SEM1: variants seen among roughly 807,000 people sequenced by gnomAD.
SEM1 encodes the protein 26S proteasome complex subunit SEM1.
In SEM1, 3 loss-of-function variants were observed where a neutral mutation model predicts 12.7. The ratio of observed to expected loss-of-function variants is 0.24; its 90% CI spans 0.11 to 0.61. The LOEUF is 0.61. Ranked by LOEUF, SEM1 falls within the 20% of genes least tolerant of loss-of-function variation. The pLI is 0.88. For missense variants in SEM1, 59 were observed against 81.3 expected (o/e 0.73, Z 1.06); for synonymous variants, 30 against 27.8 (o/e 1.08, Z -0.25).
At chr7:96,609,882 C>T (rs563904776) in intron 2 of SEM1, among the ~76,000 whole-genome samples, 71 of 152,222 alleles carry the variant, frequency 4.7e-4, no homozygotes, top group Admixed American at 3.0e-3. Flanking sequence ...GTTGTTTTGT[C>T]TTGTTTCTCC....
In SEM1 at chr7:96,677,517, A is replaced by T. The variant is rs1442306937; in HGVS notation, c.171-3658T>A. Among the ~76,000 whole-genome samples the T allele has an allele frequency of 5.3e-5, 8 of 152,198 alleles. No individual in the cohort carries two copies. The East Asian group carries it at 1.5e-3, about 29-fold the overall frequency. On this transcript the variant is annotated intron_variant, in intron 2 of 2. Transcript: ENST00000413065. ...AATTGGTTGCAAGCAACACAAGACA[A>T]CTTTGATTAACTTAAGCAGAAAGGG...
At chr7:96,682,430 G>A (rs1007904390) in intron 2 of SEM1, among the ~76,000 whole-genome samples, 1 of 152,078 alleles carries the variant, frequency 6.6e-6, no homozygotes, top group Non-Finnish European at 1.5e-5. Flanking sequence ...ACGTTGAATA[G>A]GAGTGGTGAG....
downstream of SEM1, among the ~76,000 whole-genome samples, chr7:96,620,341 CCTCT>C (rs1807853883): frequency 6.6e-6 from 1 of 152,108 alleles, no homozygotes; most frequent in Admixed American, 6.5e-5. Flanking sequence ...CCAGCCTCTC[CCTCT>C]GTCTCCTAGA....
chr7:96,622,420 GA>G (rs1327110552), downstream of SEM1: 1 of 536,006 alleles, frequency 1.9e-6, no homozygotes, highest in Non-Finnish European at 3.3e-6. Flanking sequence ...TCACTGAGGG[GA>G]AAACAGTAGT....
At chr7:96,622,715 T>G (rs1211326007) in intron 2 of SEM1, 1 of 731,960 alleles carries the variant, frequency 1.4e-6, no homozygotes, top group Non-Finnish European at 2.5e-6. Flanking sequence ...TGTTTGACCA[T>G]CTGATCAGTG....
intron 2 of SEM1, among the ~76,000 whole-genome samples, chr7:96,513,078 A>G (rs1563039659): frequency 6.6e-6 from 1 of 152,134 alleles, no homozygotes; most frequent in African/African-American, 2.4e-5. Flanking sequence ...TGAGGTTATT[A>G]TGATAGGCAC....
At chr7:96,668,501 AATAG>A (rs1440244819), downstream of SEM1, among the ~76,000 whole-genome samples, 4 of 152,208 alleles carry the variant, frequency 2.6e-5, no homozygotes, top group Non-Finnish European at 4.4e-5. Context: ...TTAATGCTTA[AATAG>A]ATATATTCTA....
intron 2 of SEM1, among the ~76,000 whole-genome samples, chr7:96,632,831 A>G (rs1179891461): frequency 7.3e-6 from 1 of 136,404 alleles, no homozygotes; most frequent in Non-Finnish European, 1.5e-5. Context: ...GTGTGTTTGC[A>G]GGGGTTGGGG....
chr7:96,705,629 C>T (rs1049272440), intron 1 of SEM1, among the ~76,000 whole-genome samples: 4 of 152,016 alleles, frequency 2.6e-5, no homozygotes, highest in Admixed American at 2.6e-4. Flanking sequence ...AGATCGAGAC[C>T]ATCCTGGCTA....
upstream of SEM1, chr7:96,496,432 C>G: frequency 1.7e-6 from 1 of 601,922 alleles, no homozygotes; most frequent in Non-Finnish European, 2.9e-6. Context: ...AATCTTTATA[C>G]TGCCCCCCCC....
At chr7:96,558,952 T>G (rs1037569308) in intron 2 of SEM1, among the ~76,000 whole-genome samples, 1 of 152,222 alleles carries the variant, frequency 6.6e-6, no homozygotes, top group Admixed American at 6.5e-5. Context: ...TTTCATATGT[T>G]AAATGGATAT....
At chr7:96,603,228 T>C (rs1367175242) in intron 2 of SEM1, among the ~76,000 whole-genome samples, 1 of 152,194 alleles carries the variant, frequency 6.6e-6, no homozygotes, top group East Asian at 1.9e-4. Context: ...GCTCTGAGAT[T>C]TTGTGCTTAT....
chr7:96,618,367 T>G (rs1807783866), downstream of SEM1, among the ~76,000 whole-genome samples: 1 of 152,222 alleles, frequency 6.6e-6, no homozygotes, highest in Admixed American at 6.5e-5. Context: ...TACAACATGC[T>G]GTGGGGAACT....
chr7:96,517,973 G>A (rs191366680), intron 2 of SEM1, among the ~76,000 whole-genome samples: 2 of 152,236 alleles, frequency 1.3e-5, no homozygotes, highest in Admixed American at 6.5e-5. Flanking sequence ...ACGTAAGAAC[G>A]TTTACTGTAC....
chr7:96,646,546 A>G (rs1313798772), intron 2 of SEM1, among the ~76,000 whole-genome samples: 1 of 152,136 alleles, frequency 6.6e-6, no homozygotes, highest in Admixed American at 6.5e-5. Flanking sequence ...TATACAAACT[A>G]TACATGTAAG....
intron 2 of SEM1, among the ~76,000 whole-genome samples, chr7:96,667,406 T>C (rs1789199505): frequency 6.6e-6 from 1 of 152,170 alleles, no homozygotes; most frequent in South Asian, 2.1e-4. Flanking sequence ...ATCAGTCAAA[T>C]GGGGTAATTT....
chr7:96,706,841 A>G (rs1563122599), intron 1 of SEM1, among the ~76,000 whole-genome samples: 1 of 152,178 alleles, frequency 6.6e-6, no homozygotes, highest in Non-Finnish European at 1.5e-5. Context: ...AAAGCGTTTG[A>G]AAGTAAGATC....
chr7:96,666,650 T>C (rs1254217267), intron 2 of SEM1, among the ~76,000 whole-genome samples: 1 of 151,690 alleles, frequency 6.6e-6, no homozygotes. Context: ...TTTTTTTTTT[T>C]TTTTGCCTCA....
chr7:96,574,626 A>G (rs1402724890), intron 2 of SEM1, among the ~76,000 whole-genome samples: 1 of 151,946 alleles, frequency 6.6e-6, no homozygotes, highest in African/African-American at 2.4e-5. Flanking sequence ...ATGATCGCAC[A>G]TGGTCCCATA....
Sources: allele counts gnomAD v4.1 joint callset (sites outside exome capture counted in the v4.1 genomes callset), GRCh38; gene constraint gnomAD v4.1.1; transcripts MANE v1.5; gene names NCBI Gene and HGNC (gene_info 2026-07-23, HGNC 2026-07-21).